SLC8A1: variants seen among roughly 807,000 people sequenced by gnomAD.
SLC8A1 encodes sodium/calcium exchanger 1.
Under a neutral mutation model 68.3 loss-of-function variants are expected in SLC8A1, and 18 were observed. The ratio of observed to expected loss-of-function variants is 0.26; its 90% CI spans 0.18 to 0.39. SLC8A1 has a LOEUF of 0.39. Among genes scored for constraint, SLC8A1 ranks in the 10% least tolerant of loss-of-function variants. The pLI is 1.00. For synonymous variants in SLC8A1, 475 were observed against 415.5 expected (o/e 1.14, Z -1.74); for missense variants, 985 against 1,156.7 (o/e 0.85, Z 2.15).
intron 2 of SLC8A1, chr2:40,190,550 G>A (rs1234199936): frequency 6.6e-6 from 1 of 152,108 alleles, no homozygotes; most frequent in Non-Finnish European, 1.5e-5. Flanking sequence ...AAAAACCGAT[G>A]CTGATAACAG....
exon 8 of SLC8A1, chr2:40,106,678 C>A (rs2034218696): frequency 6.6e-6 from 1 of 152,122 alleles, no homozygotes; most frequent in South Asian, 2.1e-4. Flanking sequence ...ACAATATTTT[C>A]TTCTAAATTT....
intron 2 of SLC8A1, among the ~76,000 whole-genome samples, chr2:40,224,729 A>G (rs1261799404): frequency 6.6e-6 from 1 of 152,182 alleles, no homozygotes; most frequent in Non-Finnish European, 1.5e-5. Flanking sequence ...CTTATTTTTT[A>G]CAACTCCTCA....
chr2:40,400,664 C>T lies in SLC8A1; in HGVS notation c.1808+27809G>A, dbSNP rs1398273115. 2.0e-5 allele frequency among the ~76,000 whole-genome samples: 3 copies of T among 152,062 alleles called. No individual in the cohort carries two copies. The East Asian group carries it at 5.8e-4, about 29-fold the overall frequency. ...AAACTCAGTGGGGAATGAACTACCTCCTTCAGAGGGAAAATGAGGTGGGAG... is the reference window on the plus strand; with the variant it reads ...AAACTCAGTGGGGAATGAACTACCTTCTTCAGAGGGAAAATGAGGTGGGAG... On this transcript the variant is annotated intron_variant, in intron 2 of 7. Transcript: ENST00000406785.
At chr2:40,345,877 G>A (rs1000601782) in intron 2 of SLC8A1, among the ~76,000 whole-genome samples, 1 of 151,904 alleles carries the variant, frequency 6.6e-6, no homozygotes, top group Non-Finnish European at 1.5e-5. Flanking sequence ...AGAGCATTAG[G>A]ACAAATACCT....
At chr2:40,190,804 T>C (rs2051654297) in intron 2 of SLC8A1, 1 of 152,186 alleles carries the variant, frequency 6.6e-6, no homozygotes, top group Admixed American at 6.5e-5. Flanking sequence ...CCTAGTCTTA[T>C]TATTATTCTC....
intron 2 of SLC8A1, among the ~76,000 whole-genome samples, chr2:40,354,587 C>T (rs974947709): frequency 2.0e-5 from 3 of 152,178 alleles, no homozygotes; most frequent in Admixed American, 1.3e-4. Context: ...GGTGACTCTA[C>T]AGAGCACAGT....
intron 2 of SLC8A1, among the ~76,000 whole-genome samples, chr2:40,290,641 T>C (rs1290129255): frequency 2.0e-5 from 3 of 152,176 alleles, no homozygotes; most frequent in Non-Finnish European, 4.4e-5. Context: ...GTATCTTTTT[T>C]TGGATCCAGA....
intron 2 of SLC8A1, among the ~76,000 whole-genome samples, chr2:40,355,359 T>C (rs1672349862): frequency 6.6e-6 from 1 of 152,006 alleles, no homozygotes; most frequent in African/African-American, 2.4e-5. Context: ...CTCTAAAAGG[T>C]CACTTTCCAT....
intron 2 of SLC8A1, among the ~76,000 whole-genome samples, chr2:40,243,358 G>A (rs1464964162): frequency 1.3e-5 from 2 of 152,070 alleles, no homozygotes; most frequent in East Asian, 1.9e-4. Context: ...GCATGGTAGT[G>A]TCTGCGGTCC....
intron 2 of SLC8A1, among the ~76,000 whole-genome samples, chr2:40,345,477 C>G (rs1489382677): frequency 2.0e-5 from 3 of 151,940 alleles, no homozygotes; most frequent in African/African-American, 7.3e-5. Flanking sequence ...AAAATCATAC[C>G]ATTAAGAACA....
rs141134216 is a variant in SLC8A1 at position 40,139,483 on chromosome 2, C to G, written c.2355G>C (p.Leu785=). The change falls in exon 7 of 8, where the codon CTG becomes CTC. Residue 785 remains leucine (L), a synonymous_variant. Transcript: ENST00000406785. ...CAATGGTGCAGCCAAAGTGGGAAGC[C>G]AGGTCTCCAATGAAAGCTGTCAGTA... is the stretch of plus-strand genomic sequence containing the variant. The G allele has an allele frequency of 2.8e-5, 45 of 1,614,176 alleles. No individual in the cohort carries two copies. The African/African-American group carries it at 5.5e-4, about 20-fold the overall frequency.
At chr2:40,196,511 T>G (rs1296550028) in intron 2 of SLC8A1, among the ~76,000 whole-genome samples, 3 of 151,930 alleles carry the variant, frequency 2.0e-5, no homozygotes, top group Non-Finnish European at 2.9e-5. Flanking sequence ...GAAACGAAGA[T>G]TCCTTGTCGT....
intron 2 of SLC8A1, among the ~76,000 whole-genome samples, chr2:40,389,686 C>T (rs534662437): frequency 6.6e-6 from 1 of 152,016 alleles, no homozygotes; most frequent in Non-Finnish European, 1.5e-5. Context: ...CACTCCCTTT[C>T]CAATTCCCAT....
chr2:40,255,834 T>C (rs1338578040), intron 2 of SLC8A1, among the ~76,000 whole-genome samples: 1 of 152,102 alleles, frequency 6.6e-6, no homozygotes, highest in Non-Finnish European at 1.5e-5. Context: ...CATCAATTAG[T>C]CAAGAAAATG....
intron 2 of SLC8A1, among the ~76,000 whole-genome samples, chr2:40,192,595 G>A (rs1357137552): frequency 6.6e-6 from 1 of 152,104 alleles, no homozygotes; most frequent in African/African-American, 2.4e-5. Context: ...GTGGGTCTAT[G>A]TATAATGAAT....
chr2:40,354,166 T>C (rs1249801299), intron 2 of SLC8A1, among the ~76,000 whole-genome samples: 1 of 152,216 alleles, frequency 6.6e-6, no homozygotes, highest in Admixed American at 6.5e-5. Context: ...TAGAAATATA[T>C]GAGTGCCTTT....
chr2:40,178,328 C>G, intron 2 of SLC8A1, 59 bp downstream of exon 3: 1 of 1,277,828 alleles, frequency 7.8e-7, no homozygotes, highest in Non-Finnish European at 1.1e-6. Context: ...GTGCAGGCAT[C>G]CAGGGGTGGC....
intron 2 of SLC8A1, among the ~76,000 whole-genome samples, chr2:40,405,162 T>C (rs529311305): frequency 8.3e-4 from 127 of 152,160 alleles, no homozygotes; most frequent in Non-Finnish European, 1.5e-3. Flanking sequence ...TACTTCTTAA[T>C]TCCCATAAGA....
chr2:40,323,713 C>A (rs1457014027), intron 2 of SLC8A1, among the ~76,000 whole-genome samples: 1 of 152,060 alleles, frequency 6.6e-6, no homozygotes, highest in Non-Finnish European at 1.5e-5. Flanking sequence ...CAAAAACAAA[C>A]CCTCCTACCC....
Sources: gnomAD v4.1 joint callset for allele counts (sites outside exome capture counted in the v4.1 genomes callset) on GRCh38, gnomAD v4.1.1 for gene constraint, MANE v1.5 for transcripts, NCBI Gene and HGNC (gene_info 2026-07-23, HGNC 2026-07-21) for gene names.